Variants in SEMA5A observed in about 807,000 individuals in gnomAD.
SEMA5A encodes semaphorin 5A, also known as semaphorin-5A.
Under a neutral mutation model 135.5 loss-of-function variants are expected in SEMA5A, and 55 were observed. The ratio of observed to expected loss-of-function variants is 0.41; its 90% CI spans 0.33 to 0.51. The LOEUF (loss-of-function observed/expected upper bound fraction) is 0.51, where lower values mean the gene tolerates loss of function less well. Ranked by LOEUF, SEMA5A falls within the 20% of genes least tolerant of loss-of-function variation. SEMA5A has a pLI of 0.37. For synonymous variants in SEMA5A, 580 were observed against 546.5 expected (o/e 1.06, Z -0.85); for missense variants, 1,290 against 1,419.9 (o/e 0.91, Z 1.47).
chr5:9,410,748 A>G (rs1249696916), intron 2 of SEMA5A, among the ~76,000 whole-genome samples: 1 of 152,094 alleles, frequency 6.6e-6, no homozygotes, highest in Non-Finnish European at 1.5e-5. Context: ...AGAGCGGGTC[A>G]ATAGGTGCAG....
At chr5:9,470,316 G>A (rs1759430849) in intron 1 of SEMA5A, among the ~76,000 whole-genome samples, 1 of 152,170 alleles carries the variant, frequency 6.6e-6, no homozygotes, top group African/African-American at 2.4e-5. Flanking sequence ...TACAATGACT[G>A]AGATTTGGCT....
chr5:9,220,456 GA>G (rs1403892215), intron 8 of SEMA5A, among the ~76,000 whole-genome samples: 1 of 151,686 alleles, frequency 6.6e-6, no homozygotes, highest in Non-Finnish European at 1.5e-5. Flanking sequence ...AGAAAACTAA[GA>G]AAAAACAACA....
intron 11 of SEMA5A, among the ~76,000 whole-genome samples, chr5:9,164,501 T>G (rs1743499065): frequency 6.6e-6 from 1 of 151,956 alleles, no homozygotes; most frequent in Non-Finnish European, 1.5e-5. Flanking sequence ...ACTATAACCT[T>G]GTACTCATAT....
At chr5:9,251,874 C>T (rs879566487) in intron 5 of SEMA5A, among the ~76,000 whole-genome samples, 8 of 152,198 alleles carry the variant, frequency 5.3e-5, no homozygotes, top group Non-Finnish European at 1.2e-4. Flanking sequence ...ACCCTCCCAA[C>T]AATCTAGGGT....
intron 1 of SEMA5A, among the ~76,000 whole-genome samples, chr5:9,450,285 T>TC (rs1412635015): frequency 6.6e-6 from 1 of 152,154 alleles, no homozygotes; most frequent in Non-Finnish European, 1.5e-5. Flanking sequence ...GAAAATAGCT[T>TC]CCCCTTAGAA....
chr5:9,410,552 T>C (rs1000124691), intron 2 of SEMA5A, among the ~76,000 whole-genome samples: 7 of 152,150 alleles, frequency 4.6e-5, no homozygotes, highest in Admixed American at 2.0e-4. Context: ...AAAAAATACA[T>C]TCCTCAGGGA....
intron 11 of SEMA5A, among the ~76,000 whole-genome samples, chr5:9,168,732 C>G (rs906909696): frequency 2.6e-5 from 4 of 152,168 alleles, no homozygotes; most frequent in African/African-American, 9.7e-5. Flanking sequence ...AAATCTGAGG[C>G]TCGCAGAGGC....
chr5:9,523,618 C>T (rs1383653005), intron 1 of SEMA5A, among the ~76,000 whole-genome samples: 1 of 152,192 alleles, frequency 6.6e-6, no homozygotes, highest in Non-Finnish European at 1.5e-5. Context: ...GCAAAATAAT[C>T]ACCCTCCTGG....
rs929126333 is a variant in SEMA5A at position 9,042,514 on chromosome 5, G to A, written c.*383C>T. On this transcript the variant is annotated 3_prime_UTR_variant, in exon 23 of 23. Transcript: ENST00000382496. Reference sequence around the variant, plus strand: ...GGAAGGAGCAGGTCTTTCAGAGAAAGTGCCTATTTTCTTGAATTACAACAT... The same window carrying A: ...GGAAGGAGCAGGTCTTTCAGAGAAAATGCCTATTTTCTTGAATTACAACAT... 1 of 231,986 alleles carries A rather than the reference G, an allele frequency of 4.3e-6. No homozygotes were observed. Among genetic ancestry groups the A allele is most frequent in the African/African-American group, 2.4e-5 (1 of 42,184 alleles). The allele number at this position is 231,986 out of a possible 1,614,324, so 14.4% of individuals were successfully genotyped here. A position where few individuals can be genotyped will look rare whatever the true frequency, so the allele number is the denominator to read the frequency against.
At chr5:9,067,184 C>G (rs1007219421) in intron 16 of SEMA5A, among the ~76,000 whole-genome samples, 1 of 152,088 alleles carries the variant, frequency 6.6e-6, no homozygotes, top group African/African-American at 2.4e-5. Flanking sequence ...CCTTCAAGGC[C>G]CTTCTGAGCT....
chr5:9,464,949 T>C (rs1201518758), intron 1 of SEMA5A, among the ~76,000 whole-genome samples: 3 of 152,366 alleles, frequency 2.0e-5, no homozygotes, highest in East Asian at 3.9e-4. Context: ...TGTGCGGACC[T>C]GTGGCTCGTG....
At chr5:9,405,547 G>A (rs1330030513) in intron 2 of SEMA5A, among the ~76,000 whole-genome samples, 1 of 152,170 alleles carries the variant, frequency 6.6e-6, no homozygotes, top group African/African-American at 2.4e-5. Flanking sequence ...ACAGAGCTGA[G>A]TCAATTACAG....
At chr5:9,160,562 C>A (rs956704378) in intron 11 of SEMA5A, among the ~76,000 whole-genome samples, 2 of 152,180 alleles carry the variant, frequency 1.3e-5, no homozygotes, top group Non-Finnish European at 2.9e-5. Flanking sequence ...AAGCAAAGGG[C>A]TTCAGTGGCA....
In SEMA5A at chr5:9,138,885, C is replaced by T. The variant is rs2086321; in HGVS notation, c.1482-2264G>A. Among the ~76,000 whole-genome samples the T allele has an allele frequency of 6.6e-3, 999 of 152,328 alleles. 11 individuals carry two copies. The highest frequency in any genetic ancestry group is 0.023 in the African/African-American group (950 of 41,572). The stretch of plus-strand genomic sequence containing the variant: ...GCTTTTCTATTCCTGAGTTACTTCA[C>T]TTAGAATAATAGTCTCCAATCTCAT... On this transcript the variant is annotated intron_variant, in intron 12 of 22. Transcript: ENST00000382496.
chr5:9,087,924 G>A (rs1004887497), intron 16 of SEMA5A, among the ~76,000 whole-genome samples: 28 of 152,076 alleles, frequency 1.8e-4, no homozygotes, highest in Non-Finnish European at 3.1e-4. Context: ...ACTGCTTTTT[G>A]CTTCAATTTC....
intron 9 of SEMA5A, among the ~76,000 whole-genome samples, chr5:9,201,427 A>T (rs899669786): frequency 6.6e-6 from 1 of 152,244 alleles, no homozygotes; most frequent in African/African-American, 2.4e-5. Flanking sequence ...CAAAAGTATA[A>T]TTGACATTTA....
intron 2 of SEMA5A, among the ~76,000 whole-genome samples, chr5:9,383,193 T>C (rs1755690858): frequency 6.6e-6 from 1 of 152,264 alleles, no homozygotes; most frequent in Non-Finnish European, 1.5e-5. Flanking sequence ...TGGTGTCTGC[T>C]TTAGAACTCC....
intron 6 of SEMA5A, among the ~76,000 whole-genome samples, chr5:9,234,758 T>G (rs1295310163): frequency 6.6e-6 from 1 of 152,220 alleles, no homozygotes. Context: ...TTCCCATTAT[T>G]TTTAATCCAT....
intron 11 of SEMA5A, among the ~76,000 whole-genome samples, chr5:9,185,162 G>A (rs1459136614): frequency 1.3e-5 from 2 of 152,072 alleles, no homozygotes; most frequent in Non-Finnish European, 2.9e-5. Flanking sequence ...TTCTAGCCTC[G>A]AGTGATTCTC....
Sources: gnomAD v4.1 joint callset for allele counts (sites outside exome capture counted in the v4.1 genomes callset) on GRCh38, gnomAD v4.1.1 for gene constraint, MANE v1.5 for transcripts, NCBI Gene and HGNC (gene_info 2026-07-23, HGNC 2026-07-21) for gene names.